The following DLG2 variants were observed in gnomAD, a reference collection of about 807,000 sequenced individuals.
The protein encoded by DLG2 is discs large MAGUK scaffold protein 2.
DLG2 carries 45 observed loss-of-function variants against 132.5 expected under a neutral mutation model. The observed-to-expected ratio is 0.34, with a 90% CI of 0.27 to 0.44. DLG2 has a LOEUF of 0.44. DLG2 is among the 20% of genes least tolerant of loss of function. The pLI, the probability that DLG2 is intolerant of heterozygous loss-of-function variation, is 1.00. For missense variants in DLG2, 1,045 were observed against 1,196.9 expected (o/e 0.87, Z 1.87); for synonymous variants, 424 against 419.6 (o/e 1.01, Z -0.13).
intron 3 of DLG2, among the ~76,000 whole-genome samples, chr11:85,339,589 T>C (rs549153596): frequency 1.2e-4 from 19 of 152,248 alleles, no homozygotes; most frequent in Non-Finnish European, 2.6e-4. Context: ...TTTCTCTAAA[T>C]GAAAGTGAAT....
In DLG2 at chr11:84,714,615, CTTTCTCTT is replaced by C. The variant is rs1565750353; in HGVS notation, c.358-179892_358-179885del. Among the ~76,000 whole-genome samples the C allele has an allele frequency of 9.6e-4, 104 of 108,854 alleles. 1 individual carries two copies. Among genetic ancestry groups the C allele is most frequent in the Middle Eastern group, 4.5e-3 (1 of 222 alleles). 71.4% of individuals were successfully genotyped at this position (108,854 alleles called of 152,430 possible). On this transcript the variant is annotated intron_variant, in intron 6 of 27. Transcript: ENST00000376104. ...TCTCTTTCTTTCTCTTTCTCTTTCT[CTTTCTCTT>C]TCTCTCTCTCTCTCTCTCTCTCTTT... is the stretch of plus-strand genomic sequence containing the variant.
At chr11:83,894,485 A>G (rs2070964603) in intron 15 of DLG2, among the ~76,000 whole-genome samples, 1 of 152,232 alleles carries the variant, frequency 6.6e-6, no homozygotes, top group African/African-American at 2.4e-5. Context: ...TAAAATTTTG[A>G]GAAAGTTTTC....
At chr11:84,745,692 T>C (rs555818148) in intron 6 of DLG2, among the ~76,000 whole-genome samples, 4 of 152,210 alleles carry the variant, frequency 2.6e-5, no homozygotes, top group African/African-American at 9.6e-5. Flanking sequence ...TGAAGTAAAA[T>C]ATAAACAGCA....
chr11:84,789,126 C>T (rs1309924253), intron 6 of DLG2, among the ~76,000 whole-genome samples: 3 of 152,166 alleles, frequency 2.0e-5, no homozygotes, highest in African/African-American at 7.2e-5. Context: ...TCTGAACTTT[C>T]CTGTAAGGTG....
At chr11:84,938,929 C>T (rs546129417) in intron 6 of DLG2, among the ~76,000 whole-genome samples, 127 of 151,802 alleles carry the variant, frequency 8.4e-4, no homozygotes, top group African/African-American at 3.0e-3. Context: ...TGAAGTACTC[C>T]CAAAATAAAA....
intron 15 of DLG2, among the ~76,000 whole-genome samples, chr11:83,880,824 TTCCTTCTC>T (rs2066036384): frequency 1.3e-5 from 2 of 152,202 alleles, no homozygotes; most frequent in African/African-American, 4.8e-5. Context: ...TAAAAAGTTC[TTCCTTCTC>T]TTGGCGTGAT....
intron 18 of DLG2, among the ~76,000 whole-genome samples, chr11:83,778,410 G>A (rs1155313): frequency 0.22 from 33,685 of 151,928 alleles, 4,749 homozygotes; most frequent in African/African-American, 0.4. Flanking sequence ...GTATTAATGA[G>A]TGACTGATTT....
At chr11:85,341,623 T>G (rs370370975) in intron 3 of DLG2, among the ~76,000 whole-genome samples, 60 of 152,338 alleles carry the variant, frequency 3.9e-4, no homozygotes, top group African/African-American at 1.4e-3. Context: ...TGTTTCTTGA[T>G]TTTAAAACAT....
intron 5 of DLG2, among the ~76,000 whole-genome samples, chr11:85,120,514 A>C (rs1461471478): frequency 2.6e-5 from 4 of 152,036 alleles, no homozygotes; most frequent in African/African-American, 9.6e-5. Flanking sequence ...TTTAGCAAAT[A>C]AATTTTTTAA....
At position 83,833,684 on chromosome 11, in the gene DLG2, A is replaced by G; in HGVS notation, c.1652T>C (p.Val551Ala). The change falls in exon 17 of 28, where the codon GTG becomes GCG. Residue 551 changes from valine to alanine, a missense_variant. Physicochemically the swap from Val to Ala is moderately conservative, Grantham distance 64. Around this residue, in one of 4 missense-constraint regions of DLG2, gnomAD observed 398 missense variants for 543.6 expected, o/e 0.73. Coordinates refer to ENST00000376104, the MANE Select transcript of DLG2 (RefSeq NM_001142699.3). ...TGGTCCACCAGCCAGAATGAAGGAC[A>G]CAAAAATACCTTCTCCATCTTCCCC... ...VGGEDGEGIF[V>A]SFILAGGPAD... The G allele has an allele frequency of 6.2e-7, 1 of 1,614,108 alleles. No individual in the cohort carries two copies. The highest frequency in any genetic ancestry group is 8.5e-7 in the Non-Finnish European group (1 of 1,179,990).
rs548603503 is a variant in DLG2 at position 83,659,816 on chromosome 11, A to C, written c.1826-26491T>G. On this transcript the variant is annotated intron_variant, in intron 18 of 27. Transcript: ENST00000376104. ...AACTGTATTGTATTATATTGTATTG[A>C]TCTTGTACTAAATTGTATTGTTATG... Among the ~76,000 whole-genome samples the C allele has an allele frequency of 2.0e-5, 3 of 152,336 alleles. No homozygotes were observed. The South Asian group carries it at 6.2e-4, about 32-fold the overall frequency.
At chr11:84,500,875 A>C (rs1263524609) in intron 7 of DLG2, among the ~76,000 whole-genome samples, 1 of 152,214 alleles carries the variant, frequency 6.6e-6, no homozygotes, top group African/African-American at 2.4e-5. Flanking sequence ...ACAGTTCAAA[A>C]ATTCTTATTT....
At chr11:83,630,412 T>C (rs1281225334) in intron 19 of DLG2, among the ~76,000 whole-genome samples, 4 of 152,172 alleles carry the variant, frequency 2.6e-5, no homozygotes, top group African/African-American at 4.8e-5. Context: ...GCAAATATTT[T>C]ACTAAGTCAG....
intron 18 of DLG2, among the ~76,000 whole-genome samples, chr11:83,721,186 A>T (rs889180940): frequency 6.6e-6 from 1 of 152,192 alleles, no homozygotes; most frequent in Non-Finnish European, 1.5e-5. Context: ...AAGGACACTT[A>T]AAAGGACACT....
At chr11:83,650,012 A>G (rs888265793) in intron 18 of DLG2, among the ~76,000 whole-genome samples, 2 of 152,218 alleles carry the variant, frequency 1.3e-5, no homozygotes, top group African/African-American at 4.8e-5. Flanking sequence ...GCCCCTAGTT[A>G]TCCTGATGTT....
intron 14 of DLG2, among the ~76,000 whole-genome samples, chr11:83,936,130 CACTT>C (rs2081380021): frequency 6.6e-6 from 1 of 152,190 alleles, no homozygotes; most frequent in Non-Finnish European, 1.5e-5. Context: ...TTCACCCACT[CACTT>C]AGAATCAGTC....
At chr11:84,345,356 A>G (rs1458649160) in intron 7 of DLG2, among the ~76,000 whole-genome samples, 1 of 152,218 alleles carries the variant, frequency 6.6e-6, no homozygotes, top group Non-Finnish European at 1.5e-5. Context: ...AGTAAATACT[A>G]AGCCCTTAAC....
chr11:85,160,858 G>C (rs1341764985), intron 4 of DLG2, among the ~76,000 whole-genome samples: 1 of 151,962 alleles, frequency 6.6e-6, no homozygotes, highest in Non-Finnish European at 1.5e-5. Flanking sequence ...GCATACTACA[G>C]CTGCAGCACT....
intron 11 of DLG2, among the ~76,000 whole-genome samples, chr11:84,037,828 C>A (rs1221839203): frequency 6.6e-6 from 1 of 152,016 alleles, no homozygotes; most frequent in African/African-American, 2.4e-5. Flanking sequence ...GTTAATATTT[C>A]TATTAACTGG....
Sources: gnomAD v4.1 joint callset for allele counts (sites outside exome capture counted in the v4.1 genomes callset) on GRCh38, gnomAD v4.1.1 for gene constraint, gnomAD v4.1.1 regional missense constraint, MANE v1.5 for transcripts, NCBI Gene and HGNC (gene_info 2026-07-23, HGNC 2026-07-21) for gene names.